Variants in CAMK1D observed in about 807,000 individuals in gnomAD.
CAMK1D encodes calcium/calmodulin dependent protein kinase ID, also known as calcium/calmodulin-dependent protein kinase type 1D.
In CAMK1D, 9 loss-of-function variants were observed where a neutral mutation model predicts 47.7. That is an observed-to-expected ratio of 0.19 (90% CI 0.11 to 0.33). The LOEUF (loss-of-function observed/expected upper bound fraction) is 0.33. Among genes scored for constraint, CAMK1D ranks in the 10% least tolerant of loss-of-function variants. The pLI, the probability that CAMK1D is intolerant of heterozygous loss-of-function variation, is 1.00. For synonymous variants in CAMK1D, 184 were observed against 184.9 expected (o/e 0.99, Z 0.04); for missense variants, 291 against 488.7 (o/e 0.60, Z 3.81).
chr10:12,500,571 A>G (rs1834671456), intron 1 of CAMK1D, among the ~76,000 whole-genome samples: 1 of 152,216 alleles, frequency 6.6e-6, no homozygotes, highest in South Asian at 2.1e-4. Context: ...AAAAGTAAGA[A>G]GTTGAGGTAT....
chr10:12,470,584 T>A lies in CAMK1D; in HGVS notation c.93-82641T>A, dbSNP rs190199832. On this transcript the variant is annotated intron_variant, in intron 1 of 10. Coordinates refer to ENST00000619168, the MANE Select transcript of CAMK1D (RefSeq NM_153498.4). ...CCAGGTGGAGTGCGGTGGCGCGATC[T>A]CTTCTCACTGCAACCTCTGCCTCCT... 3.8e-3 allele frequency among the ~76,000 whole-genome samples: 578 copies of A among 152,052 alleles called. 4 individuals are homozygous for A. Among genetic ancestry groups the A allele is most frequent in the Non-Finnish European group, 4.1e-3 (277 of 67,974 alleles).
chr10:12,814,068 C>T, intron 6 of CAMK1D, 127 bp from the exon 7 acceptor site: 2 of 626,144 alleles, frequency 3.2e-6, no homozygotes, highest in South Asian at 2.1e-5. Context: ...GGATTACCTG[C>T]GTGAGCCACT....
At chr10:12,641,097 G>A (rs558690113) in intron 2 of CAMK1D, among the ~76,000 whole-genome samples, 1 of 152,100 alleles carries the variant, frequency 6.6e-6, no homozygotes, top group Admixed American at 6.5e-5. Context: ...AGCCTCCCGA[G>A]TAGCTAGGAT....
At chr10:12,531,641 T>C (rs911756082) in intron 1 of CAMK1D, among the ~76,000 whole-genome samples, 3 of 152,186 alleles carry the variant, frequency 2.0e-5, no homozygotes, top group Non-Finnish European at 4.4e-5. Context: ...CGTGGGATGG[T>C]GCTCACTCCT....
At chr10:12,465,814 A>C (rs1833572946) in intron 1 of CAMK1D, among the ~76,000 whole-genome samples, 1 of 152,192 alleles carries the variant, frequency 6.6e-6, no homozygotes, top group Non-Finnish European at 1.5e-5. Context: ...GGCTAAATGC[A>C]AAGTCATCTC....
At chr10:12,445,715 A>C (rs1206213735) in intron 1 of CAMK1D, among the ~76,000 whole-genome samples, 1 of 152,208 alleles carries the variant, frequency 6.6e-6, no homozygotes, top group Non-Finnish European at 1.5e-5. Flanking sequence ...AAAAGTCATA[A>C]ACCATGTCCT....
chr10:12,376,864 G>A (rs1219290553), intron 1 of CAMK1D, among the ~76,000 whole-genome samples: 3 of 151,510 alleles, frequency 2.0e-5, no homozygotes, highest in East Asian at 1.9e-4. Flanking sequence ...AGGTTCAAGC[G>A]ATTCTCCTGC....
At chr10:12,570,973 G>A (rs773857047) in intron 2 of CAMK1D, among the ~76,000 whole-genome samples, 1 of 151,842 alleles carries the variant, frequency 6.6e-6, no homozygotes, top group Non-Finnish European at 1.5e-5. Context: ...GATCCATGAG[G>A]ACAGGAGTGG....
At chr10:12,783,743 T>G (rs1030750112) in intron 5 of CAMK1D, among the ~76,000 whole-genome samples, 13 of 152,220 alleles carry the variant, frequency 8.5e-5, no homozygotes, top group Non-Finnish European at 4.4e-5. Context: ...TTTTTTGTTT[T>G]TTTGAAGTCT....
intron 4 of CAMK1D, among the ~76,000 whole-genome samples, chr10:12,769,046 A>G (rs1344342569): frequency 2.6e-5 from 4 of 152,316 alleles, no homozygotes; most frequent in Admixed American, 1.3e-4. Context: ...AAATCAACCC[A>G]TGCTTCACAG....
At chr10:12,514,473 A>T (rs901751124) in intron 1 of CAMK1D, among the ~76,000 whole-genome samples, 2 of 152,212 alleles carry the variant, frequency 1.3e-5, no homozygotes, top group Non-Finnish European at 2.9e-5. Flanking sequence ...GTGGGTTCAC[A>T]CTAGTGAATT....
chr10:12,816,978 A>G (rs112977239), intron 8 of CAMK1D, among the ~76,000 whole-genome samples: 3,499 of 151,476 alleles, frequency 0.023, 109 homozygotes, highest in Middle Eastern at 0.078. Context: ...AGGCCTCACA[A>G]TCGTGGTGGA....
At chr10:12,418,771 A>T (rs529403582) in intron 1 of CAMK1D, among the ~76,000 whole-genome samples, 1 of 151,306 alleles carries the variant, frequency 6.6e-6, no homozygotes, top group East Asian at 1.9e-4. Context: ...ACTAGAAAAG[A>T]CTTGATCAGT....
chr10:12,825,458 A>G, intron 9 of CAMK1D, 115 bp from the exon 10 acceptor site: 1 of 960,754 alleles, frequency 1.0e-6, no homozygotes, highest in Non-Finnish European at 1.5e-6. Context: ...GTAGCATGAG[A>G]ATGATGTAAG....
intron 1 of CAMK1D, among the ~76,000 whole-genome samples, chr10:12,367,162 T>A (rs1837861249): frequency 6.6e-6 from 1 of 152,176 alleles, no homozygotes. Context: ...TGGCTGACTC[T>A]CCCTGCTTAG....
At chr10:12,638,776 T>C (rs1386192774) in intron 2 of CAMK1D, among the ~76,000 whole-genome samples, 1 of 152,198 alleles carries the variant, frequency 6.6e-6, no homozygotes, top group Non-Finnish European at 1.5e-5. Flanking sequence ...GCCCCTCATT[T>C]TGTATCACCA....
chr10:12,439,501 G>C (rs78486078), intron 1 of CAMK1D, among the ~76,000 whole-genome samples: 4,349 of 152,304 alleles, frequency 0.029, 196 homozygotes, highest in East Asian at 0.21. Flanking sequence ...TGTGATAACA[G>C]CTGTGGGATT....
At chr10:12,620,208 A>AAAAT (rs1838955187) in intron 2 of CAMK1D, among the ~76,000 whole-genome samples, 1 of 149,968 alleles carries the variant, frequency 6.7e-6, no homozygotes, top group Non-Finnish European at 1.5e-5. Flanking sequence ...AAAAAAAAAA[A>AAAAT]AAAAAAAAAA....
intron 3 of CAMK1D, among the ~76,000 whole-genome samples, chr10:12,719,943 G>A (rs1027539159): frequency 2.0e-5 from 3 of 152,216 alleles, no homozygotes; most frequent in African/African-American, 7.2e-5. Context: ...AATTACCTGA[G>A]GGTATCACTA....
Sources: gnomAD v4.1 joint callset for allele counts (sites outside exome capture counted in the v4.1 genomes callset) on GRCh38, gnomAD v4.1.1 for gene constraint, MANE v1.5 for transcripts, NCBI Gene and HGNC (gene_info 2026-07-23, HGNC 2026-07-21) for gene names.